Variants in TCP11L1 observed in about 807,000 individuals in gnomAD.
TCP11L1 encodes the protein t-complex 11 like 1, also known as T-complex protein 11-like protein 1.
A neutral mutation model predicts 48.9 loss-of-function variants in TCP11L1; 28 were observed. The ratio of observed to expected loss-of-function variants is 0.57; its 90% CI spans 0.42 to 0.78. The LOEUF (loss-of-function observed/expected upper bound fraction) is 0.78, where lower values mean the gene tolerates loss of function less well. TCP11L1 is among the 30% of genes least tolerant of loss of function. The pLI is 0.00. For missense variants in TCP11L1, 505 were observed against 613.4 expected (o/e 0.82, Z 1.87); for synonymous variants, 204 against 231.9 (o/e 0.88, Z 1.09).
At chr11:33,067,882 C>G (rs1854663084) in intron 8 of TCP11L1, among the ~76,000 whole-genome samples, 2 of 151,676 alleles carry the variant, frequency 1.3e-5, no homozygotes, top group South Asian at 4.2e-4. Flanking sequence ...TAGGATTTCA[C>G]TTTTCGTTAT....
At chr11:33,060,324 A>G (rs1422205493) in intron 6 of TCP11L1, among the ~76,000 whole-genome samples, 1 of 152,186 alleles carries the variant, frequency 6.6e-6, no homozygotes, top group East Asian at 1.9e-4. Context: ...TTAACTCACA[A>G]CATGAAAGCC....
chr11:33,046,929 G>C (rs986732388), intron 2 of TCP11L1, among the ~76,000 whole-genome samples: 1 of 151,224 alleles, frequency 6.6e-6, no homozygotes, highest in African/African-American at 2.4e-5. Flanking sequence ...TACTTTAAGA[G>C]TGGAGTTGCT....
intron 7 of TCP11L1, among the ~76,000 whole-genome samples, chr11:33,063,021 A>C (rs1025621335): frequency 6.6e-6 from 1 of 152,082 alleles, no homozygotes; most frequent in Admixed American, 6.5e-5. Flanking sequence ...CACCACCCCC[A>C]GCTAATTTTT....
rs1854370500 is a variant in TCP11L1 at position 33,058,268 on chromosome 11, G to A, written c.638+129G>A. The A allele has an allele frequency of 5.9e-6, 5 of 845,120 alleles. No homozygotes were observed. In the South Asian group the frequency reaches 9.6e-5, roughly 16 times the overall value. The allele number at this position is 845,120 out of a possible 1,614,324, so 52.4% of individuals were successfully genotyped here. A position where few individuals can be genotyped will look rare whatever the true frequency, so the allele number is the denominator to read the frequency against. ...GGCTGGAGTGCAATGGCGTGATCTTGGTTCACTGCAACCTCCACCTCCTGG... is the reference window on the plus strand; with the variant it reads ...GGCTGGAGTGCAATGGCGTGATCTTAGTTCACTGCAACCTCCACCTCCTGG... On this transcript the variant is annotated intron_variant, in intron 5 of 9. Transcript: ENST00000334274.
At chr11:33,044,973 CA>C (rs1487092192) in intron 2 of TCP11L1, among the ~76,000 whole-genome samples, 1 of 152,192 alleles carries the variant, frequency 6.6e-6, no homozygotes, top group East Asian at 1.9e-4. Context: ...GCACTTAGAA[CA>C]GTGCTTCACA....
Position 33,054,575 on chromosome 11 carries a change from A to C in TCP11L1, c.164-18A>C, listed in dbSNP as rs987835709. The C allele has an allele frequency of 7.5e-6, 12 of 1,605,374 alleles. No individual in the cohort carries two copies. Among genetic ancestry groups the C allele is most frequent in the Non-Finnish European group, 9.3e-6 (11 of 1,177,442 alleles). On this transcript the variant is annotated intron_variant, in intron 2 of 9. Coordinates refer to ENST00000334274, the MANE Select transcript of TCP11L1 (RefSeq NM_018393.4). ...AGATCCAGGGAAGCAAATCTCTTAC[A>C]GTGAGTTTCTGTTACAGCTAGTCCT...
In TCP11L1 at chr11:33,065,948, A is replaced by C. The variant is rs1335320909; in HGVS notation, c.1091A>C (p.Gln364Pro). ...ATGGCAGCGCCAGGAATTTCCAGCC[A>C]GGCCGACTTTGCTGAGAAACTCAAG... ...FSMAAPGISS[Q>P]ADFAEKLKMI... The change falls in exon 8 of 10, where the codon CAG (glutamine) becomes CCG (proline). Residue 364 changes from glutamine to proline, a missense_variant. Physicochemically the swap from Gln to Pro is moderately conservative, Grantham distance 76. Coordinates refer to ENST00000334274, the MANE Select transcript of TCP11L1 (RefSeq NM_018393.4). The C allele has an allele frequency of 6.2e-7, 1 of 1,614,108 alleles. No homozygotes were observed. The highest frequency in any genetic ancestry group is 1.3e-5 in the African/African-American group (1 of 74,954).
chr11:33,041,179 G>A (rs540239729), intron 1 of TCP11L1: 7 of 152,230 alleles, frequency 4.6e-5, no homozygotes, highest in Non-Finnish European at 8.8e-5. Flanking sequence ...ACTAAGCTGA[G>A]CATTAGAGAC....
intron 1 of TCP11L1, among the ~76,000 whole-genome samples, chr11:33,042,141 TG>T (rs1211969496): frequency 3.9e-5 from 6 of 152,178 alleles, no homozygotes; most frequent in Non-Finnish European, 5.9e-5. Context: ...TTTGTTTGTT[TG>T]TTTGTTTAGA....
chr11:33,060,430 A>G (rs6484638), intron 6 of TCP11L1, among the ~76,000 whole-genome samples: 107,265 of 152,052 alleles, frequency 0.71, 38,022 homozygotes, highest in East Asian at 0.87. Context: ...AGCTCAGGGT[A>G]AACTGGAGCT....
At chr11:33,069,845 G>A (rs2133749932) in intron 9 of TCP11L1, among the ~76,000 whole-genome samples, 1 of 152,228 alleles carries the variant, frequency 6.6e-6, no homozygotes, top group African/African-American at 2.4e-5. Flanking sequence ...GGACTCAAGT[G>A]ATCCGCCTGC....
rs377129017 is a variant in TCP11L1 at position 33,057,213 on chromosome 11, A to G, written c.395A>G (p.Lys132Arg). The G allele has an allele frequency of 8.4e-5, 136 of 1,614,128 alleles. No homozygotes were observed. The highest frequency in any genetic ancestry group is 3.2e-4 in the South Asian group (29 of 91,086). ...CCCCCAGCATATGACCATGCTATCA[A>G]ACTTGTAGGAGAAATCAAAGAGGTG... ...EDPPAYDHAI[K>R]LVGEIKETLL... The change falls in exon 4 of 10, where the codon AAA (lysine) becomes AGA (arginine). Residue 132 changes from lysine to arginine, a missense_variant. Physicochemically the swap from Lys to Arg is conservative, Grantham distance 26. Around this residue, in one of 3 missense-constraint regions of TCP11L1, gnomAD observed 168 missense variants for 183.5 expected, o/e 0.92. Coordinates refer to ENST00000334274, the MANE Select transcript of TCP11L1 (RefSeq NM_018393.4).
At chr11:33,054,914 C>T (rs1854266553) in intron 3 of TCP11L1, among the ~76,000 whole-genome samples, 189 bp downstream of exon 3, 1 of 152,256 alleles carries the variant, frequency 6.6e-6, no homozygotes, top group South Asian at 2.1e-4. Context: ...TTGTGAAAGT[C>T]TGCCTACTCA....
At chr11:33,054,454 T>C (rs1854252375) in intron 2 of TCP11L1, 139 bp from the exon 3 acceptor site, 1 of 949,710 alleles carries the variant, frequency 1.1e-6, no homozygotes, top group Non-Finnish European at 1.6e-6. Flanking sequence ...ATTCTGTTGC[T>C]GTTTGAAAAT....
At chr11:33,065,769 C>G (rs1854597161) in intron 7 of TCP11L1, 61 bp from the exon 8 acceptor site, 2 of 1,568,348 alleles carry the variant, frequency 1.3e-6, no homozygotes, top group Admixed American at 3.5e-5. Flanking sequence ...TGTGGCGCTC[C>G]CGCCCTCTGC....
At chr11:33,066,464 G>C (rs2133743129) in intron 8 of TCP11L1, among the ~76,000 whole-genome samples, 1 of 152,236 alleles carries the variant, frequency 6.6e-6, no homozygotes, top group Admixed American at 6.5e-5. Flanking sequence ...GCTCGGGCTG[G>C]GGGGTAAGCC....
At chr11:33,040,531 A>T (rs548212865) in intron 1 of TCP11L1, 7 of 152,326 alleles carry the variant, frequency 4.6e-5, no homozygotes, top group African/African-American at 1.7e-4. Flanking sequence ...ATTCATCTCT[A>T]TCAACAGATA....
rs1366449650 is a variant in TCP11L1, at chr11:33,041,147, A to G, written c.-25+1355A>G. 2.0e-5 allele frequency: 3 copies of G among 152,320 alleles called. No individual in the cohort carries two copies. In the East Asian group the frequency reaches 5.8e-4, roughly 29 times the overall value. 9.4% of individuals were successfully genotyped at this position (152,320 alleles called of 1,614,324 possible). A position where few individuals can be genotyped will look rare whatever the true frequency, so the allele number is the denominator to read the frequency against. On this transcript the variant is annotated intron_variant, in intron 1 of 9. Transcript: ENST00000334274. ...TGGGAAGAGACAGGACTTGAACTCA[A>G]TCTTAAGGATGGGGTTAGTTTACTA... is the stretch of plus-strand genomic sequence containing the variant.
At position 33,058,092 on chromosome 11, in the gene TCP11L1, G is replaced by A. The variant is rs760533283; in HGVS notation, c.591G>A (p.Glu197=). The A allele has an allele frequency of 6.2e-7, 1 of 1,614,094 alleles. No individual in the cohort carries two copies. Among genetic ancestry groups the A allele is most frequent in the Non-Finnish European group, 8.5e-7 (1 of 1,180,024 alleles). Residue 197 remains glutamate, a synonymous_variant, in exon 5 of 10, where the codon GAG becomes GAA. Transcript: ENST00000334274. ...MGTLCAPARD[E]EVKKLKDIKE... The stretch of plus-strand genomic sequence containing the variant: ...CACTGTGTGCACCTGCTCGAGATGA[G>A]GAAGTTAAGAAACTAAAGGACATTA...
Sources: gnomAD v4.1 joint callset for allele counts (sites outside exome capture counted in the v4.1 genomes callset) on GRCh38, gnomAD v4.1.1 for gene constraint, gnomAD v4.1.1 regional missense constraint, MANE v1.5 for transcripts, NCBI Gene and HGNC (gene_info 2026-07-23, HGNC 2026-07-21) for gene names.